DERA: variants seen among roughly 807,000 people sequenced by gnomAD.
DERA encodes 2-deoxy-D-ribose 5-phosphate aldolase.
Under a neutral mutation model 41.1 loss-of-function variants are expected in DERA, and 15 were observed. The observed-to-expected ratio is 0.37, with a 90% CI of 0.24 to 0.56. The LOEUF (loss-of-function observed/expected upper bound fraction) is 0.56. DERA is among the 20% of genes least tolerant of loss of function. The pLI is 0.81. For synonymous variants in DERA, 139 were observed against 137.4 expected, an observed-to-expected ratio of 1.01 and a Z score of -0.08; for missense variants, 396 against 403.4, an observed-to-expected ratio of 0.98 and a Z score of 0.16.
rs547844720 is a variant in DERA, at chr12:15,965,625, G to A, written c.508+2678G>A. Among the ~76,000 whole-genome samples the A allele has an allele frequency of 8.7e-4, 133 of 152,220 alleles. No individual in the cohort carries two copies. The highest frequency in any genetic ancestry group is 3.1e-3 in the African/African-American group (127 of 41,502). On this transcript the variant is annotated intron_variant, in intron 5 of 8. Transcript: ENST00000428559. This position sits in a 1 kb window ranked among gnomAD's most constrained non-coding sequence, Gnocchi z 4.1. ...AATTCGAGGAGACTGGAGTTTGGGG[G>A]TGGGGGAGGTTTGATATTCCTCTCT...
chr12:15,911,736 C>G lies in DERA; in HGVS notation c.31+322C>G, dbSNP rs1297302640. The G allele has an allele frequency of 1.6e-6, 1 of 619,196 alleles. No homozygotes were observed. 38.4% of individuals were successfully genotyped at this position (619,196 alleles called of 1,614,324 possible). A position where few individuals can be genotyped will look rare whatever the true frequency, so the allele number is the denominator to read the frequency against. On this transcript the variant is annotated intron_variant, in intron 1 of 8. Coordinates refer to ENST00000428559, the MANE Select transcript of DERA (RefSeq NM_015954.4). The surrounding 1 kb of genome is among the most constrained non-coding windows in gnomAD (Gnocchi z 4.5). ...ACAACCCAAAAAACAAAACCCAAAACAAACAACCCCCAAGCAGGTAAAAAC... is the reference window on the plus strand; with the variant it reads ...ACAACCCAAAAAACAAAACCCAAAAGAAACAACCCCCAAGCAGGTAAAAAC...
In DERA at chr12:16,012,212, C is replaced by G. The variant is rs1178810118; in HGVS notation, c.638-20330C>G. ...TTGAGTTGAGCACAGAGATGTGATA[C>G]AAGTCCTACACAGTCATGAGTTTAT... is the stretch of plus-strand genomic sequence containing the variant. On this transcript the variant is annotated intron_variant, in intron 6 of 8. Transcript: ENST00000428559. This position sits in a 1 kb window ranked among gnomAD's most constrained non-coding sequence, Gnocchi z 4.1. 6.6e-6 allele frequency among the ~76,000 whole-genome samples: 1 copy of G among 152,132 alleles called. No individual in the cohort carries two copies. The highest frequency in any genetic ancestry group is 1.5e-5 in the Non-Finnish European group (1 of 68,020).
At chr12:15,942,340 T>G (rs1024121890) in intron 1 of DERA, among the ~76,000 whole-genome samples, 5 of 152,238 alleles carry the variant, frequency 3.3e-5, no homozygotes, top group African/African-American at 4.8e-5. Flanking sequence ...AATTTTTTTT[T>G]GCTGTGCAGA....
At position 15,983,847 on chromosome 12, in the gene DERA, G is replaced by A. The variant is rs1288696901; in HGVS notation, c.637+1411G>A. Among the ~76,000 whole-genome samples the A allele has an allele frequency of 1.3e-5, 2 of 152,126 alleles. No homozygotes were observed. Among genetic ancestry groups the A allele is most frequent in the Non-Finnish European group, 2.9e-5 (2 of 68,030 alleles). On this transcript the variant is annotated intron_variant, in intron 6 of 8. Transcript: ENST00000428559. This position sits in a 1 kb window ranked among gnomAD's most constrained non-coding sequence, Gnocchi z 6.2. ...CTGCTGTATCTAGAAAATATCTGCA[G>A]TTGTTATCTGAGAGCAAAATCTCAG...
Position 16,026,164 on chromosome 12 carries a change from C to T in DERA, c.638-6378C>T, listed in dbSNP as rs533994478. Reference sequence around the variant, plus strand: ...AAGAGCAATTTAAGCCTAAAGCAAACAGGAGGAATAGAAATGAGAACAGAA... The same window carrying T: ...AAGAGCAATTTAAGCCTAAAGCAAATAGGAGGAATAGAAATGAGAACAGAA... On this transcript the variant is annotated intron_variant, in intron 6 of 8. Transcript: ENST00000428559. The surrounding 1 kb of genome is among the most constrained non-coding windows in gnomAD (Gnocchi z 4.4). Among the ~76,000 whole-genome samples, 19 of 151,034 alleles carry T rather than the reference C, an allele frequency of 1.3e-4. No individual in the cohort carries two copies. The highest frequency in any genetic ancestry group is 2.5e-4 in the Non-Finnish European group (17 of 67,670).
intron 6 of DERA, among the ~76,000 whole-genome samples, chr12:16,028,770 T>C (rs1949070593): frequency 1.3e-5 from 2 of 152,192 alleles, no homozygotes; most frequent in South Asian, 4.1e-4. Context: ...GAAAAACATT[T>C]AACAAATCCC....
In DERA at chr12:16,012,190, A is replaced by G. The variant is rs1458989051; in HGVS notation, c.638-20352A>G. On this transcript the variant is annotated intron_variant, in intron 6 of 8. Transcript: ENST00000428559. The surrounding 1 kb of genome is among the most constrained non-coding windows in gnomAD (Gnocchi z 4.1). ...GAAGGGTTGGGAAAGAGAGGAGTTG[A>G]GTTGAGCACAGAGATGTGATACAAG... 6.6e-6 allele frequency among the ~76,000 whole-genome samples: 1 copy of G among 152,124 alleles called. No homozygotes were observed. Among genetic ancestry groups the G allele is most frequent in the African/African-American group, 2.4e-5 (1 of 41,438 alleles).
At chr12:15,912,308 A>G (rs944820736) in intron 1 of DERA, among the ~76,000 whole-genome samples, 6 of 152,296 alleles carry the variant, frequency 3.9e-5, no homozygotes, top group East Asian at 3.9e-4. Context: ...GACACAGCAC[A>G]TGTTTCAGAG....
chr12:15,953,941 A>G (rs776735348), intron 1 of DERA, among the ~76,000 whole-genome samples: 4 of 152,176 alleles, frequency 2.6e-5, no homozygotes, highest in Non-Finnish European at 5.9e-5. Context: ...TACATTAAAT[A>G]TGGGGCTGGA....
intron 1 of DERA, among the ~76,000 whole-genome samples, chr12:15,934,247 A>T (rs1293662373): frequency 1.3e-5 from 2 of 152,120 alleles, no homozygotes; most frequent in Admixed American, 1.3e-4. Flanking sequence ...ACTTGGCCTC[A>T]GTAGACAGCC....
rs1592024129 is a variant in DERA at position 15,966,853 on chromosome 12, C to A, written c.508+3906C>A. ...TTCCTTTGGAAACGTCATGTCCTTG[C>A]TGATTTCAGTTACATTCCTTATGGC... On this transcript the variant is annotated intron_variant, in intron 5 of 8. Coordinates refer to ENST00000428559, the MANE Select transcript of DERA (RefSeq NM_015954.4). This position sits in a 1 kb window ranked among gnomAD's most constrained non-coding sequence, Gnocchi z 5.1. Among the ~76,000 whole-genome samples, 1 of 152,218 alleles carries A rather than the reference C, an allele frequency of 6.6e-6. No individual in the cohort carries two copies. Among genetic ancestry groups the A allele is most frequent in the South Asian group, 2.1e-4 (1 of 4,814 alleles).
intron 5 of DERA, among the ~76,000 whole-genome samples, chr12:15,964,554 T>C (rs1948610276): frequency 3.3e-5 from 5 of 152,216 alleles, no homozygotes. Flanking sequence ...TTCCTATATA[T>C]TAATTTTGCT....
At position 15,918,809 on chromosome 12, in the gene DERA, C is replaced by G. The variant is rs1451949683; in HGVS notation, c.31+7395C>G. ...GGAAGGATAAAGACGAATTCACAGA[C>G]AGTCCAGGGAGGGTTTTTTTGGAGA... On this transcript the variant is annotated intron_variant, in intron 1 of 8. Coordinates refer to ENST00000428559, the MANE Select transcript of DERA (RefSeq NM_015954.4). This position sits in a 1 kb window ranked among gnomAD's most constrained non-coding sequence, Gnocchi z 4.3. Among the ~76,000 whole-genome samples the G allele has an allele frequency of 6.6e-6, 1 of 152,118 alleles. No individual in the cohort carries two copies. Among genetic ancestry groups the G allele is most frequent in the East Asian group, 1.9e-4 (1 of 5,184 alleles).
chr12:15,912,375 TTTTCTTCAGA>T (rs1948171118), intron 1 of DERA, among the ~76,000 whole-genome samples: 1 of 152,134 alleles, frequency 6.6e-6, no homozygotes, highest in African/African-American at 2.4e-5. Flanking sequence ...AGAAGAGAAT[TTTTCTTCAGA>T]TTTCTTAACA....
chr12:15,961,792 G>T (rs758335290), intron 4 of DERA, among the ~76,000 whole-genome samples: 1 of 152,154 alleles, frequency 6.6e-6, no homozygotes, highest in Admixed American at 6.5e-5. Context: ...CACCCAGGCT[G>T]GAGTGCAGTG....
chr12:15,947,393 G>A (rs768399342), intron 1 of DERA, among the ~76,000 whole-genome samples: 5 of 152,196 alleles, frequency 3.3e-5, no homozygotes, highest in Admixed American at 6.5e-5. Flanking sequence ...GGGTGCTCCT[G>A]TGTTGGGTGC....
rs2136123029 is a variant in DERA, at chr12:15,918,217, C to T, written c.31+6803C>T. Among the ~76,000 whole-genome samples the T allele has an allele frequency of 6.6e-6, 1 of 152,332 alleles. No individual in the cohort carries two copies. The highest frequency in any genetic ancestry group is 2.1e-4 in the South Asian group (1 of 4,832). ...TTCCTCATCCCGCTGGTGCTTGGTC[C>T]CCCACAGCAGGCTGCTGCCTACACA... On this transcript the variant is annotated intron_variant, in intron 1 of 8. Coordinates refer to ENST00000428559, the MANE Select transcript of DERA (RefSeq NM_015954.4). The surrounding 1 kb of genome is among the most constrained non-coding windows in gnomAD (Gnocchi z 4.3).
At chr12:15,975,344 G>A (rs546692665) in intron 5 of DERA, among the ~76,000 whole-genome samples, 2 of 152,266 alleles carry the variant, frequency 1.3e-5, no homozygotes, top group Middle Eastern at 3.4e-3. Flanking sequence ...GGGGCCACAA[G>A]ATCGGATGAG....
At chr12:15,955,024 G>T (rs769174521) in intron 1 of DERA, among the ~76,000 whole-genome samples, 1 of 152,052 alleles carries the variant, frequency 6.6e-6, no homozygotes, top group South Asian at 2.1e-4. Context: ...TTAGGGCTGG[G>T]TGCAGTGGCT....
Sources: gnomAD v4.1 joint callset for allele counts (sites outside exome capture counted in the v4.1 genomes callset) on GRCh38, gnomAD v4.1.1 for gene constraint, Gnocchi (gnomAD v3.1) non-coding constraint, MANE v1.5 for transcripts, NCBI Gene and HGNC (gene_info 2026-07-23, HGNC 2026-07-21) for gene names.